The following ZNF225 variants were observed in gnomAD, a reference collection of about 807,000 sequenced individuals.
The protein encoded by ZNF225 is zinc finger protein 225.
Under a neutral mutation model 12.0 loss-of-function variants are expected in ZNF225, and 6 were observed. The observed-to-expected ratio is 0.50, with a 90% CI of 0.27 to 0.98. The LOEUF (loss-of-function observed/expected upper bound fraction) is 0.98. Ranked by LOEUF, ZNF225 falls within the 50% of genes least tolerant of loss-of-function variation. The probability of loss-of-function intolerance (pLI) is 0.11; values close to 1 mark genes in which losing one functional copy is unlikely to be tolerated. For missense variants in ZNF225, 763 were observed against 848.2 expected (o/e 0.90, Z 1.25); for synonymous variants, 271 against 283.2 (o/e 0.96, Z 0.43).
intron 1 of ZNF225, chr19:44,114,338 GATAGC>G: frequency 2.3e-6 from 1 of 437,706 alleles, no homozygotes; most frequent in Non-Finnish European, 4.1e-6. Flanking sequence ...AATCTTGAAA[GATAGC>G]ATAGCTTTCA....
chr19:44,118,306 T>C lies in ZNF225; in HGVS notation c.134T>C (p.Leu45Pro), dbSNP rs1178233970. 6.2e-7 allele frequency: 1 copy of C among 1,612,672 alleles called. No individual in the cohort carries two copies. Among genetic ancestry groups the C allele is most frequent in the Admixed American group, 1.7e-5 (1 of 59,688 alleles). The part of the protein sequence containing the change: ...EVMLENFRNL[L>P]SVGHQSLHRD... The stretch of plus-strand genomic sequence containing the variant: ...ATGCTGGAGAACTTCAGGAACCTGC[T>C]CTCAGTGGGTGAGGACAGGCACCCT... The change falls in exon 3 of 5, where the codon CTC (leucine) becomes CCC (proline). Residue 45 changes from leucine (L) to proline (P), a missense_variant. Transcript: ENST00000262894.
At chr19:44,130,451 C>T (rs1044737275) in intron 4 of ZNF225, 1 of 159,522 alleles carries the variant, frequency 6.3e-6, no homozygotes, top group African/African-American at 2.4e-5. Context: ...GTAATCCCAG[C>T]ACTTTGGGAG....
intron 4 of ZNF225, among the ~76,000 whole-genome samples, chr19:44,121,887 G>A (rs1255066201): frequency 6.6e-6 from 1 of 152,084 alleles, no homozygotes; most frequent in African/African-American, 2.4e-5. Context: ...TGTAGATTCT[G>A]GATATTAGTC....
intron 4 of ZNF225, among the ~76,000 whole-genome samples, chr19:44,118,820 C>CTTT (rs111822475): frequency 0.017 from 2,445 of 143,450 alleles, 84 homozygotes; most frequent in African/African-American, 0.061. Context: ...TTTCTGGCTT[C>CTTT]TTTTTTTTTT....
upstream of ZNF225, chr19:44,113,295 C>G (rs1599670348): frequency 6.6e-6 from 1 of 151,406 alleles, no homozygotes; most frequent in Admixed American, 6.6e-5. Flanking sequence ...CAATTTGACT[C>G]CGGCAGGTGG....
At chr19:44,117,080 G>A (rs953307187) in intron 2 of ZNF225, among the ~76,000 whole-genome samples, 1 of 152,022 alleles carries the variant, frequency 6.6e-6, no homozygotes, top group African/African-American at 2.4e-5. Flanking sequence ...CATGAAATGA[G>A]ATAAAATAGA....
At chr19:44,115,055 C>T (rs1967914228) in intron 1 of ZNF225, among the ~76,000 whole-genome samples, 2 of 152,136 alleles carry the variant, frequency 1.3e-5, no homozygotes, top group South Asian at 4.1e-4. Context: ...GCACATTCTA[C>T]TGTAAAGGTG....
Position 44,131,623 on chromosome 19 carries a change from G to A in ZNF225, c.1009G>A (p.Val337Ile), listed in dbSNP as rs1463775291. 3 of 1,613,890 alleles carry A rather than the reference G, an allele frequency of 1.9e-6. No homozygotes were observed. Among genetic ancestry groups the A allele is most frequent in the Non-Finnish European group, 2.5e-6 (3 of 1,179,950 alleles). Residue 337 changes from valine (V) to isoleucine (I), a missense_variant, in exon 5 of 5, where the codon GTC becomes ATC. Physicochemically the swap from Val to Ile is conservative, Grantham distance 29. Transcript: ENST00000262894. ...ATCAGCACTTAATAGTCATCGCATG[G>A]TCCACACAGGAGAGAAACGGTACAA... ...LKSALNSHRM[V>I]HTGEKRYKCE...
intron 4 of ZNF225, among the ~76,000 whole-genome samples, chr19:44,123,531 C>G (rs375501941): frequency 6.6e-5 from 10 of 152,206 alleles, no homozygotes; most frequent in African/African-American, 2.4e-4. Context: ...AGGGTTCCTT[C>G]TTTCTCTATC....
intron 4 of ZNF225, among the ~76,000 whole-genome samples, chr19:44,124,430 TA>T (rs1968109020): frequency 6.6e-6 from 1 of 152,248 alleles, no homozygotes; most frequent in East Asian, 1.9e-4. Context: ...TTTTATGGCC[TA>T]TCATATGGTC....
Position 44,120,804 on chromosome 19 carries a change from G to T in ZNF225, c.235+2230G>T, listed in dbSNP as rs116588920. On this transcript the variant is annotated intron_variant, in intron 4 of 4. Transcript: ENST00000262894. ...TTAGCGACTTGTGAGAATTTGGTGCGCTCATCACCCGAGCAGTATATGCTG... is the reference window on the plus strand; with the variant it reads ...TTAGCGACTTGTGAGAATTTGGTGCTCTCATCACCCGAGCAGTATATGCTG... 7.3e-3 allele frequency among the ~76,000 whole-genome samples: 1,116 copies of T among 152,052 alleles called. 13 individuals carry two copies. Among genetic ancestry groups the T allele is most frequent in the African/African-American group, 0.026 (1,067 of 41,474 alleles).
intron 2 of ZNF225, among the ~76,000 whole-genome samples, chr19:44,117,310 C>T (rs1275298727): frequency 6.6e-6 from 1 of 152,218 alleles, no homozygotes; most frequent in Non-Finnish European, 1.5e-5. Context: ...CTTTTAGGCA[C>T]ACTGTCTGCA....
At chr19:44,118,396 T>C (rs748611472) in intron 3 of ZNF225, 82 bp downstream of exon 3, 122 of 1,610,692 alleles carry the variant, frequency 7.6e-5, no homozygotes, top group Non-Finnish European at 9.8e-5. Flanking sequence ...TGAGTATGCA[T>C]TGGGAACCTA....
rs149358907 is a variant in ZNF225 at position 44,117,393 on chromosome 19, G to C, written c.16-795G>C. 9.1e-3 allele frequency among the ~76,000 whole-genome samples: 1,381 copies of C among 152,276 alleles called. 24 individuals are homozygous for C. The highest frequency in any genetic ancestry group is 0.032 in the African/African-American group (1,341 of 41,546). On this transcript the variant is annotated intron_variant, in intron 2 of 4. Transcript: ENST00000262894. Reference sequence around the variant, plus strand: ...AGTACACAGGATGTACTGTATAGCTGTCCCACACAGGTTACCACAAGCTTT... The same window carrying C: ...AGTACACAGGATGTACTGTATAGCTCTCCCACACAGGTTACCACAAGCTTT...
rs749551175 is a variant in ZNF225 at position 44,132,659 on chromosome 19, G to A, written c.2045G>A (p.Cys682Tyr). 1.8e-5 allele frequency: 29 copies of A among 1,613,894 alleles called. No homozygotes were observed. The highest frequency in any genetic ancestry group is 2.7e-5 in the African/African-American group (2 of 74,930). Residue 682 changes from cysteine to tyrosine, a missense_variant, in exon 5 of 5, where the codon TGT becomes TAT. Transcript: ENST00000262894. Reference sequence around the variant, plus strand: ...CAAAGTGGAGAGAAAACATCTAAATGTGAGGACTGTGGGAAGCGCTACAAG... The same window carrying A: ...CAAAGTGGAGAGAAAACATCTAAATATGAGGACTGTGGGAAGCGCTACAAG... Reference protein sequence around the residue: ...RDQSGEKTSKCEDCGKRYKRR... With the variant: ...RDQSGEKTSKYEDCGKRYKRR...
At chr19:44,115,960 C>G (rs1967934592) in intron 2 of ZNF225, 118 bp downstream of exon 2, 5 of 989,572 alleles carry the variant, frequency 5.1e-6, no homozygotes. Context: ...CTCCGGAGTT[C>G]AAGTGATTCT....
intron 4 of ZNF225, among the ~76,000 whole-genome samples, chr19:44,125,324 C>A (rs1017208748): frequency 6.6e-6 from 1 of 152,136 alleles, no homozygotes; most frequent in Non-Finnish European, 1.5e-5. Context: ...AAATTCTTGG[C>A]TGATAATTGT....
intron 4 of ZNF225, among the ~76,000 whole-genome samples, chr19:44,127,845 T>C (rs1205396469): frequency 8.5e-5 from 13 of 152,104 alleles, no homozygotes; most frequent in Non-Finnish European, 1.5e-5. Context: ...TTTCACCATG[T>C]TGGCCAAGCT....
chr19:44,125,364 C>T (rs928004708), intron 4 of ZNF225, among the ~76,000 whole-genome samples: 1 of 152,308 alleles, frequency 6.6e-6, no homozygotes, highest in Middle Eastern at 3.4e-3. Flanking sequence ...GATAGGGCCC[C>T]AATCTCTTCT....
Sources: gnomAD v4.1 joint callset for allele counts (sites outside exome capture counted in the v4.1 genomes callset) on GRCh38, gnomAD v4.1.1 for gene constraint, MANE v1.5 for transcripts, NCBI Gene and HGNC (gene_info 2026-07-23, HGNC 2026-07-21) for gene names.